The following RANBP17 variants were observed in gnomAD, a reference collection of about 807,000 sequenced individuals.
RANBP17 encodes the protein ran-binding protein 17.
Under a neutral mutation model 141.2 loss-of-function variants are expected in RANBP17, and 158 were observed. The ratio of observed to expected loss-of-function variants is 1.12; its 90% CI spans 0.98 to 1.28. The LOEUF (loss-of-function observed/expected upper bound fraction) is 1.28, where lower values mean the gene tolerates loss of function less well. Ranked by LOEUF, RANBP17 falls within the 50% of genes most tolerant of loss-of-function variation. The probability of loss-of-function intolerance (pLI) is 0.00; values close to 1 mark genes in which losing one functional copy is unlikely to be tolerated. For missense variants in RANBP17, 1,438 were observed against 1,290.7 expected (o/e 1.11, Z -1.75); for synonymous variants, 430 against 450.0 (o/e 0.96, Z 0.56).
intron 14 of RANBP17, among the ~76,000 whole-genome samples, chr5:170,978,371 A>G (rs1346901530): frequency 1.3e-5 from 2 of 152,162 alleles, no homozygotes; most frequent in Non-Finnish European, 2.9e-5. Context: ...ATGAATTTAT[A>G]TGTTTGCCAA....
intron 14 of RANBP17, among the ~76,000 whole-genome samples, chr5:171,048,488 T>A (rs919417301): frequency 2.0e-5 from 3 of 152,108 alleles, no homozygotes; most frequent in Non-Finnish European, 4.4e-5. Flanking sequence ...CTTTTTTTTT[T>A]AACTTTTAGG....
At chr5:171,186,526 C>CTTTTCTTTTTTTTTT (rs1761250196) in intron 18 of RANBP17, among the ~76,000 whole-genome samples, 1 of 41,650 alleles carries the variant, frequency 2.4e-5, no homozygotes, top group East Asian at 8.9e-4. Flanking sequence ...GTATGATTTT[C>CTTTTCTTTTTTTTTT]TTTTTTTTTT....
intron 25 of RANBP17, chr5:171,271,098 T>C (rs1767089437): frequency 7.9e-6 from 1 of 126,082 alleles, no homozygotes; most frequent in African/African-American, 3.4e-5. Context: ...TTTTTTTTTT[T>C]TTTTTTTTTT....
intron 14 of RANBP17, among the ~76,000 whole-genome samples, chr5:171,166,007 A>G (rs1254970575): frequency 6.6e-6 from 1 of 152,220 alleles, no homozygotes; most frequent in African/African-American, 2.4e-5. Context: ...AGAATCATAT[A>G]TGAAATGGGA....
chr5:170,885,353 A>G (rs899888626), intron 3 of RANBP17, among the ~76,000 whole-genome samples: 2 of 152,116 alleles, frequency 1.3e-5, no homozygotes, highest in Non-Finnish European at 2.9e-5. Context: ...AATATCATCC[A>G]TTTCAGTTCC....
chr5:171,165,946 T>C (rs188299936), intron 14 of RANBP17, among the ~76,000 whole-genome samples: 4 of 152,332 alleles, frequency 2.6e-5, no homozygotes, highest in African/African-American at 7.2e-5. Context: ...TTGGGGTATA[T>C]TATTTCACAG....
intron 14 of RANBP17, among the ~76,000 whole-genome samples, chr5:171,114,983 G>A (rs1755509585): frequency 6.6e-6 from 1 of 152,092 alleles, no homozygotes; most frequent in Middle Eastern, 3.4e-3. Flanking sequence ...ACATGGTGGT[G>A]TGCGCCTATA....
intron 24 of RANBP17, among the ~76,000 whole-genome samples, chr5:171,255,379 CATT>C (rs1765817190): frequency 6.6e-6 from 1 of 152,098 alleles, no homozygotes; most frequent in Non-Finnish European, 1.5e-5. Context: ...AAGTCATTTG[CATT>C]AAAGTACAGC....
At chr5:171,126,829 A>C (rs1056750361) in intron 14 of RANBP17, among the ~76,000 whole-genome samples, 9 of 152,182 alleles carry the variant, frequency 5.9e-5, no homozygotes, top group Non-Finnish European at 1.3e-4. Context: ...AATCAGTAAT[A>C]AAAAGTCTCC....
intron 21 of RANBP17, among the ~76,000 whole-genome samples, chr5:171,215,784 C>T (rs1190466739): frequency 1.3e-5 from 2 of 150,954 alleles, no homozygotes; most frequent in African/African-American, 4.8e-5. Flanking sequence ...TGTTTAAGTT[C>T]CTTGTAGATT....
intron 14 of RANBP17, among the ~76,000 whole-genome samples, chr5:171,169,682 A>G (rs1759960569): frequency 9.2e-6 from 1 of 108,584 alleles, no homozygotes; most frequent in South Asian, 4.7e-4. Flanking sequence ...TTAAATCCTT[A>G]TTTTTATAAC....
chr5:170,916,079 ATTATATTCTATATTGCATTATCATGCG>A lies in RANBP17; in HGVS notation c.835-337_835-311del, dbSNP rs1561886339. On this transcript the variant is annotated intron_variant, in intron 8 of 27. Coordinates refer to ENST00000523189, the MANE Select transcript of RANBP17 (RefSeq NM_022897.5). Reference sequence around the variant, plus strand: ...TGCTTTTTATATTGCATTATAATGCATTATATTCTATATTGCATTATCATGCGTTATATTCTATATTGCATTATCATG... The same window carrying A: ...TGCTTTTTATATTGCATTATAATGCATTATATTCTATATTGCATTATCATG... Among the ~76,000 whole-genome samples, 67 of 150,764 alleles carry A rather than the reference ATTATATTCTATATTGCATTATCATGCG, an allele frequency of 4.4e-4. 1 individual carries two copies. Among genetic ancestry groups the A allele is most frequent in the African/African-American group, 1.3e-3 (54 of 40,780 alleles).
At chr5:171,229,137 C>G (rs910502579) in intron 22 of RANBP17, among the ~76,000 whole-genome samples, 1 of 152,156 alleles carries the variant, frequency 6.6e-6, no homozygotes, top group African/African-American at 2.4e-5. Flanking sequence ...TAACAGTTCT[C>G]GAGAGAATAG....
chr5:170,873,156 C>T (rs994844326), intron 1 of RANBP17, among the ~76,000 whole-genome samples: 1 of 152,178 alleles, frequency 6.6e-6, no homozygotes, highest in Non-Finnish European at 1.5e-5. Flanking sequence ...GGTGATCCAC[C>T]CACCTTGGCC....
At chr5:170,934,415 C>A (rs1316231021) in intron 12 of RANBP17, among the ~76,000 whole-genome samples, 3 of 152,234 alleles carry the variant, frequency 2.0e-5, no homozygotes, top group East Asian at 1.9e-4. Flanking sequence ...GTTGCAGTTT[C>A]TTCCTAGTAT....
At chr5:170,922,915 G>T (rs1772593894) in intron 11 of RANBP17, among the ~76,000 whole-genome samples, 1 of 152,142 alleles carries the variant, frequency 6.6e-6, no homozygotes, top group South Asian at 2.1e-4. Context: ...CTCACTGGGG[G>T]CTGCAGACCA....
intron 14 of RANBP17, among the ~76,000 whole-genome samples, chr5:170,987,692 AC>A (rs1286612633): frequency 2.6e-5 from 4 of 151,766 alleles, no homozygotes; most frequent in Non-Finnish European, 5.9e-5. Context: ...TTATTTAAAA[AC>A]GTCTTTGCTG....
At chr5:171,245,101 C>G (rs1413779474) in intron 24 of RANBP17, among the ~76,000 whole-genome samples, 1 of 151,868 alleles carries the variant, frequency 6.6e-6, no homozygotes, top group Non-Finnish European at 1.5e-5. Context: ...TGCACTCCAG[C>G]CTGGGCAACA....
intron 13 of RANBP17, among the ~76,000 whole-genome samples, chr5:170,963,805 G>A (rs1776318541): frequency 6.6e-6 from 1 of 152,076 alleles, no homozygotes. Context: ...CAGGGTTTGG[G>A]GACCCTTGTC....
Sources: allele counts gnomAD v4.1 joint callset (sites outside exome capture counted in the v4.1 genomes callset), GRCh38; gene constraint gnomAD v4.1.1; transcripts MANE v1.5; gene names NCBI Gene and HGNC (gene_info 2026-07-23, HGNC 2026-07-21).